WDR7: variants seen among roughly 807,000 people sequenced by gnomAD.
The protein encoded by WDR7 is WD repeat-containing protein 7.
WDR7 carries 46 observed loss-of-function variants against 169.4 expected under a neutral mutation model. The observed-to-expected ratio is 0.27, with a 90% CI of 0.21 to 0.35. The LOEUF is 0.35. Ranked by LOEUF, WDR7 falls within the 10% of genes least tolerant of loss-of-function variation. WDR7 has a pLI of 1.00. For missense variants in WDR7, 1,534 were observed against 1,859.3 expected (o/e 0.83, Z 3.22); for synonymous variants, 612 against 666.8 (o/e 0.92, Z 1.27).
At chr18:56,927,569 G>A (rs530280050) in intron 22 of WDR7, among the ~76,000 whole-genome samples, 2 of 152,068 alleles carry the variant, frequency 1.3e-5, no homozygotes, top group Admixed American at 6.5e-5. Flanking sequence ...AGCCATGATC[G>A]AACCACTGCA....
At chr18:56,653,206 GTTC>G (rs1257495531) in intron 1 of WDR7, among the ~76,000 whole-genome samples, 3 of 151,252 alleles carry the variant, frequency 2.0e-5, no homozygotes, top group African/African-American at 4.9e-5. Context: ...TGCATTTTTC[GTTC>G]TTCTTTTTTT....
At position 56,726,602 on chromosome 18, in the gene WDR7, G is replaced by A. The variant is rs376997984; in HGVS notation, c.1775-4781G>A. Among the ~76,000 whole-genome samples, 75 of 152,132 alleles carry A rather than the reference G, an allele frequency of 4.9e-4. No homozygotes were observed. The East Asian group carries it at 0.013, about 26-fold the overall frequency. ...ATACAATCATGTCATCTGCAAACAG[G>A]GACAATTTGACTTCCTCTTTTCCTA... On this transcript the variant is annotated intron_variant, in intron 13 of 27. Transcript: ENST00000254442.
rs2025580852 is a variant in WDR7, at chr18:56,691,975, A to C, written c.966+158A>C. ...AGATGGTCAGTTATAAGGACATTTC[A>C]AAATCTGCTTGTTTAAAAACATATA... On this transcript the variant is annotated intron_variant, in intron 9 of 27. Transcript: ENST00000254442. Among the ~76,000 whole-genome samples, 3 of 152,240 alleles carry C rather than the reference A, an allele frequency of 2.0e-5. 1 individual carries two copies. In the South Asian group the frequency reaches 6.2e-4, roughly 31 times the overall value.
At chr18:56,945,968 A>G (rs1263084284) in intron 25 of WDR7, among the ~76,000 whole-genome samples, 2 of 152,230 alleles carry the variant, frequency 1.3e-5, no homozygotes, top group African/African-American at 2.4e-5. Context: ...CCTTCATCCC[A>G]TGCATTCCAG....
At chr18:56,936,984 G>GT (rs140657731) in intron 23 of WDR7, among the ~76,000 whole-genome samples, 2,695 of 151,772 alleles carry the variant, frequency 0.018, 79 homozygotes, top group African/African-American at 0.061. Context: ...GTCTTGGAAG[G>GT]TTTTTTTTGC....
chr18:56,991,328 G>A (rs541443142), intron 26 of WDR7, among the ~76,000 whole-genome samples: 11 of 151,882 alleles, frequency 7.2e-5, no homozygotes, highest in Middle Eastern at 3.4e-3. Context: ...TTGTATTTTT[G>A]GTAGAGACGG....
At chr18:56,658,901 A>G (rs2024838996) in intron 1 of WDR7, among the ~76,000 whole-genome samples, 1 of 151,804 alleles carries the variant, frequency 6.6e-6, no homozygotes, top group Non-Finnish European at 1.5e-5. Context: ...TTTTTTTAGT[A>G]GAGATGGGGT....
intron 25 of WDR7, among the ~76,000 whole-genome samples, chr18:56,943,993 T>G (rs1372631199): frequency 1.5e-5 from 2 of 135,260 alleles, no homozygotes; most frequent in Admixed American, 7.2e-5. Flanking sequence ...TTTTTTTTTT[T>G]TTTTTTTTTT....
In WDR7 at chr18:56,757,400, AC is replaced by A. The variant is rs1214176412; in HGVS notation, c.2759+50del. The A allele has an allele frequency of 4.1e-6, 6 of 1,475,024 alleles. No homozygotes were observed. The African/African-American group carries it at 5.6e-5, about 14-fold the overall frequency. The allele number at this position is 1,475,024 out of a possible 1,614,324, so 91.4% of individuals were successfully genotyped here. A position where few individuals can be genotyped will look rare whatever the true frequency, so the allele number is the denominator to read the frequency against. The stretch of plus-strand genomic sequence containing the variant: ...TTATTCTTAAGTTTCAAAAAAAGAA[AC>A]CTGTTTTATTTTTTCATTGTTGATT... On this transcript the variant is annotated intron_variant, in intron 15 of 27. Coordinates refer to ENST00000254442, the MANE Select transcript of WDR7 (RefSeq NM_015285.3).
rs1247858492 is a variant in WDR7 at position 56,729,880 on chromosome 18, TC to T, written c.1775-1502del. Among the ~76,000 whole-genome samples the T allele has an allele frequency of 2.0e-5, 3 of 152,374 alleles. No homozygotes were observed. In the East Asian group the frequency reaches 5.8e-4, roughly 29 times the overall value. The stretch of plus-strand genomic sequence containing the variant: ...CTTACATACTTGAGAATGCTGAATA[TC>T]TGTACGGTAAGATATAAATAGTATT... On this transcript the variant is annotated intron_variant, in intron 13 of 27. Transcript: ENST00000254442.
At chr18:56,728,104 C>T (rs2026500586) in intron 13 of WDR7, among the ~76,000 whole-genome samples, 1 of 152,158 alleles carries the variant, frequency 6.6e-6, no homozygotes, top group African/African-American at 2.4e-5. Context: ...GTATCTTTGG[C>T]AAGAAAATCA....
chr18:56,765,074 G>T (rs2044040195), intron 16 of WDR7, among the ~76,000 whole-genome samples: 1 of 151,818 alleles, frequency 6.6e-6, no homozygotes, highest in Non-Finnish European at 1.5e-5. Flanking sequence ...AGCATTTTTG[G>T]CTACTGTTAA....
intron 12 of WDR7, among the ~76,000 whole-genome samples, chr18:56,703,245 CTG>C (rs2025870955): frequency 6.6e-6 from 1 of 152,162 alleles, no homozygotes; most frequent in African/African-American, 2.4e-5. Context: ...GAACACGTGA[CTG>C]TGTGTATACC....
intron 20 of WDR7, among the ~76,000 whole-genome samples, chr18:56,820,028 T>C (rs1244872234): frequency 6.6e-6 from 1 of 152,104 alleles, no homozygotes; most frequent in Non-Finnish European, 1.5e-5. Context: ...GGATTGATCA[T>C]AATCTGCTTA....
At chr18:56,715,124 G>A (rs548541020) in intron 12 of WDR7, among the ~76,000 whole-genome samples, 24 of 152,234 alleles carry the variant, frequency 1.6e-4, no homozygotes, top group East Asian at 9.7e-4. Flanking sequence ...TTGATAATGC[G>A]GAAGGTCAAG....
intron 20 of WDR7, among the ~76,000 whole-genome samples, chr18:56,860,355 A>G (rs1020792203): frequency 6.6e-6 from 1 of 152,212 alleles, no homozygotes; most frequent in Non-Finnish European, 1.5e-5. Flanking sequence ...ATGTGAAAAA[A>G]GAACCATAGC....
intron 20 of WDR7, chr18:56,874,106 G>A (rs1490036430): frequency 2.0e-5 from 3 of 152,186 alleles, no homozygotes; most frequent in Admixed American, 1.3e-4. Flanking sequence ...TATATAGTAT[G>A]TGAATCTAGA....
chr18:56,666,968 G>A (rs559928234), intron 1 of WDR7, among the ~76,000 whole-genome samples: 1 of 149,904 alleles, frequency 6.7e-6, no homozygotes, highest in South Asian at 2.1e-4. Context: ...AAGCAAAACA[G>A]CAGGAGACAG....
chr18:56,866,551 T>C (rs943276019), intron 20 of WDR7, among the ~76,000 whole-genome samples: 1 of 152,174 alleles, frequency 6.6e-6, no homozygotes, highest in African/African-American at 2.4e-5. Flanking sequence ...TCTTATTGAG[T>C]ATTTTTTAGA....
Sources: allele counts gnomAD v4.1 joint callset (sites outside exome capture counted in the v4.1 genomes callset), GRCh38; gene constraint gnomAD v4.1.1; transcripts MANE v1.5; gene names NCBI Gene and HGNC (gene_info 2026-07-23, HGNC 2026-07-21).